The following SH3PXD2A variants were observed in gnomAD, a reference collection of about 807,000 sequenced individuals.
SH3PXD2A encodes SH3 and PX domains 2A.
SH3PXD2A carries 32 observed loss-of-function variants against 115.2 expected under a neutral mutation model. The ratio of observed to expected loss-of-function variants is 0.28; its 90% CI spans 0.21 to 0.37. SH3PXD2A has a LOEUF of 0.37. SH3PXD2A is among the 10% of genes least tolerant of loss of function. The probability of loss-of-function intolerance (pLI) is 1.00; values close to 1 mark genes in which losing one functional copy is unlikely to be tolerated. For missense variants in SH3PXD2A, 1,328 were observed against 1,498.7 expected (o/e 0.89, Z 1.88); for synonymous variants, 610 against 629.1 (o/e 0.97, Z 0.45).
intron 5 of SH3PXD2A, among the ~76,000 whole-genome samples, chr10:103,707,384 T>C (rs1401072409): frequency 1.3e-5 from 2 of 151,840 alleles, no homozygotes; most frequent in Non-Finnish European, 2.9e-5. Flanking sequence ...TTAGTAGAGA[T>C]AGGGGTTTCA....
rs573510322 is a variant in SH3PXD2A, at chr10:103,771,348, G to A, written c.154-4179C>T. 9.8e-4 allele frequency among the ~76,000 whole-genome samples: 150 copies of A among 152,352 alleles called. 1 individual carries two copies. Among genetic ancestry groups the A allele is most frequent in the Non-Finnish European group, 1.2e-4 (8 of 68,028 alleles). ...TGCAGAGGGAATGTGATGCTGTGGG[G>A]AGTGGGCAGGGGCAGGCAGGACTCA... On this transcript the variant is annotated intron_variant, in intron 2 of 14. Transcript: ENST00000369774.
intron 2 of SH3PXD2A, among the ~76,000 whole-genome samples, chr10:103,776,016 A>G (rs1301351589): frequency 1.3e-5 from 2 of 152,176 alleles, no homozygotes; most frequent in African/African-American, 2.4e-5. Flanking sequence ...CTAGGGGAGC[A>G]TCTGTTTCCT....
intron 1 of SH3PXD2A, among the ~76,000 whole-genome samples, chr10:103,813,997 G>C (rs1387665674): frequency 1.1e-5 from 1 of 90,642 alleles, no homozygotes; most frequent in African/African-American, 3.8e-5. Context: ...CACTGGACTA[G>C]CTAAAAAAAA....
Position 103,612,974 on chromosome 10 carries a change from G to C in SH3PXD2A, c.1137C>G (p.Ser379Arg). The C allele has an allele frequency of 1.2e-6, 2 of 1,614,218 alleles. No individual in the cohort carries two copies. Among genetic ancestry groups the C allele is most frequent in the Non-Finnish European group, 1.7e-6 (2 of 1,180,020 alleles). The change falls in exon 12 of 15, where the codon AGC (serine) becomes AGG (arginine). Residue 379 changes from serine to arginine, a missense_variant. By Grantham distance (110) the Ser-to-Arg change is moderately radical. Around this residue, in one of 5 missense-constraint regions of SH3PXD2A, gnomAD observed 509 missense variants for 628.3 expected, o/e 0.81. Transcript: ENST00000369774. ...TGGAGGCATTGCAGAGGATGGGCAG[G>C]CTGATCTCCTTCTTGGCAATGGGGG... is the stretch of plus-strand genomic sequence containing the variant. ...HEAPIAKKEI[S>R]LPILCNASNG...
chr10:103,626,606 TAA>T (rs150670940), intron 9 of SH3PXD2A, among the ~76,000 whole-genome samples: 10 of 114,640 alleles, frequency 8.7e-5, no homozygotes, highest in Non-Finnish European at 9.1e-5. Flanking sequence ...TGTTTGGAAT[TAA>T]AAAAAAAAAA....
At chr10:103,635,569 T>C (rs549644709) in intron 8 of SH3PXD2A, among the ~76,000 whole-genome samples, 70 of 152,338 alleles carry the variant, frequency 4.6e-4, no homozygotes, top group African/African-American at 1.7e-3. Flanking sequence ...AACTGCAGCC[T>C]GTTTTAGAGG....
intron 1 of SH3PXD2A, among the ~76,000 whole-genome samples, chr10:103,844,080 G>C (rs1332726913): frequency 6.6e-6 from 1 of 152,216 alleles, no homozygotes; most frequent in African/African-American, 2.4e-5. Flanking sequence ...ATTAATCCCA[G>C]CTTGAGACCA....
intron 8 of SH3PXD2A, among the ~76,000 whole-genome samples, chr10:103,654,182 C>T (rs2037174378): frequency 6.6e-6 from 1 of 152,106 alleles, no homozygotes; most frequent in Non-Finnish European, 1.5e-5. Flanking sequence ...CCCATGAGGC[C>T]ACCAATGGGA....
intron 10 of SH3PXD2A, among the ~76,000 whole-genome samples, chr10:103,621,982 G>A (rs547439569): frequency 1.3e-5 from 2 of 152,330 alleles, no homozygotes; most frequent in Admixed American, 6.5e-5. Flanking sequence ...CAGGAGGAGC[G>A]TGAATGTGAG....
rs763061546 is a variant in SH3PXD2A at position 103,603,529 on chromosome 10, G to A, written c.1689C>T (p.Phe563=). Residue 563 remains phenylalanine (F), a synonymous_variant, in exon 15 of 15, where the codon TTC becomes TTT. Coordinates refer to ENST00000369774, the MANE Select transcript of SH3PXD2A (RefSeq NM_001394015.1). The stretch of plus-strand genomic sequence containing the variant: ...TCAGCTCAGGCTCTGAGTCAAAGCC[G>A]AATGCAGGGATGTCATACTCAGGCT... ...YEEPEYDIPA[F]GFDSEPELSE... is the part of the protein sequence containing the mutation. 16 of 1,612,542 alleles carry A rather than the reference G, an allele frequency of 9.9e-6. No homozygotes were observed. The highest frequency in any genetic ancestry group is 4.5e-5 in the East Asian group (2 of 44,882).
intron 5 of SH3PXD2A, among the ~76,000 whole-genome samples, chr10:103,713,330 G>A (rs1170772711): frequency 1.3e-5 from 2 of 152,148 alleles, no homozygotes; most frequent in Admixed American, 6.5e-5. Flanking sequence ...TTGGACCACT[G>A]CAATAGCCAA....
intron 3 of SH3PXD2A, among the ~76,000 whole-genome samples, chr10:103,745,581 C>T (rs2038492620): frequency 6.6e-6 from 1 of 152,148 alleles, no homozygotes; most frequent in Admixed American, 6.5e-5. Context: ...AATGGGATCT[C>T]TTATGAGTTG....
intron 1 of SH3PXD2A, among the ~76,000 whole-genome samples, chr10:103,850,224 CCTTCT>C (rs749865882): frequency 2.8e-4 from 42 of 152,208 alleles, no homozygotes; most frequent in Admixed American, 5.2e-4. Flanking sequence ...TTTATTTTTC[CCTTCT>C]CTTCCCTTCC....
At chr10:103,825,226 C>A (rs759196504) in intron 1 of SH3PXD2A, among the ~76,000 whole-genome samples, 1 of 152,168 alleles carries the variant, frequency 6.6e-6, no homozygotes, top group African/African-American at 2.4e-5. Flanking sequence ...AACCCTGACA[C>A]CTCACACACC....
At chr10:103,816,447 C>A (rs1453048876) in intron 1 of SH3PXD2A, among the ~76,000 whole-genome samples, 1 of 152,180 alleles carries the variant, frequency 6.6e-6, no homozygotes, top group African/African-American at 2.4e-5. Flanking sequence ...TAAATCAAAT[C>A]ACAGTGAAAT....
intron 13 of SH3PXD2A, among the ~76,000 whole-genome samples, chr10:103,606,785 G>A (rs1171312278): frequency 3.9e-5 from 6 of 152,146 alleles, no homozygotes; most frequent in Non-Finnish European, 8.8e-5. Context: ...ACGGAGTCTC[G>A]TTCACTCAGT....
chr10:103,738,567 A>G (rs1307581571), intron 3 of SH3PXD2A, among the ~76,000 whole-genome samples: 1 of 151,502 alleles, frequency 6.6e-6, no homozygotes, highest in African/African-American at 2.4e-5. Flanking sequence ...TACAGAGGAA[A>G]CCCAGGGGGA....
intron 2 of SH3PXD2A, among the ~76,000 whole-genome samples, chr10:103,772,579 G>A (rs961066725): frequency 1.3e-5 from 2 of 152,228 alleles, no homozygotes; most frequent in Non-Finnish European, 2.9e-5. Flanking sequence ...AGTGTGTGGA[G>A]GCGGCCAGGC....
chr10:103,705,580 G>A (rs1317431421), intron 5 of SH3PXD2A, among the ~76,000 whole-genome samples: 1 of 152,198 alleles, frequency 6.6e-6, no homozygotes, highest in Non-Finnish European at 1.5e-5. Context: ...GAGAGAGCAT[G>A]TGACTTGCCC....
Sources: gnomAD v4.1 joint callset for allele counts (sites outside exome capture counted in the v4.1 genomes callset) on GRCh38, gnomAD v4.1.1 for gene constraint, gnomAD v4.1.1 regional missense constraint, MANE v1.5 for transcripts, NCBI Gene and HGNC (gene_info 2026-07-23, HGNC 2026-07-21) for gene names.